The following ST3GAL1 variants were observed in gnomAD, a reference collection of about 807,000 sequenced individuals.
ST3GAL1 encodes the protein CMP-N-acetylneuraminate-beta-galactosamide-alpha-2,3-sialyltransferase 1.
Under a neutral mutation model 34.1 loss-of-function variants are expected in ST3GAL1, and 16 were observed. The ratio of observed to expected loss-of-function variants is 0.47; its 90% CI spans 0.32 to 0.71. ST3GAL1 has a LOEUF of 0.71. Ranked by LOEUF, ST3GAL1 falls within the 30% of genes least tolerant of loss-of-function variation. The probability of loss-of-function intolerance (pLI) is 0.04; values close to 1 mark genes in which losing one functional copy is unlikely to be tolerated. For missense variants in ST3GAL1, 353 were observed against 447.4 expected (o/e 0.79, Z 1.90); for synonymous variants, 191 against 184.7 (o/e 1.03, Z -0.28).
intron 3 of ST3GAL1, among the ~76,000 whole-genome samples, chr8:133,495,208 G>A (rs568106087): frequency 3.9e-5 from 6 of 152,142 alleles, no homozygotes; most frequent in Admixed American, 6.5e-5. Flanking sequence ...ATGAGCCACC[G>A]TGCCCAGCCT....
intron 2 of ST3GAL1, among the ~76,000 whole-genome samples, chr8:133,540,854 G>C (rs868474100): frequency 2.6e-5 from 3 of 117,186 alleles, no homozygotes; most frequent in African/African-American, 1.0e-4. Context: ...TATATATAGA[G>C]ACATATATAT....
At chr8:133,569,542 G>A (rs771561047) in intron 1 of ST3GAL1, among the ~76,000 whole-genome samples, 1 of 152,218 alleles carries the variant, frequency 6.6e-6, no homozygotes, top group Non-Finnish European at 1.5e-5. Context: ...GAGAGACAGA[G>A]ACAGAGAGAC....
chr8:133,513,570 A>G (rs1817556725), intron 2 of ST3GAL1, among the ~76,000 whole-genome samples: 1 of 152,182 alleles, frequency 6.6e-6, no homozygotes, highest in Non-Finnish European at 1.5e-5. Flanking sequence ...CGGCTCTCAA[A>G]GCCTAAAATA....
intron 3 of ST3GAL1, among the ~76,000 whole-genome samples, chr8:133,477,505 C>T (rs1816222565): frequency 6.6e-6 from 1 of 151,966 alleles, no homozygotes; most frequent in African/African-American, 2.4e-5. Context: ...AATCCACAGT[C>T]CTCTGATTCC....
chr8:133,557,007 C>T lies in ST3GAL1; in HGVS notation c.-581-11081G>A, dbSNP rs1369307607. Among the ~76,000 whole-genome samples the T allele has an allele frequency of 5.3e-5, 8 of 152,080 alleles. No individual in the cohort carries two copies. In the South Asian group the frequency reaches 1.0e-3, roughly 20 times the overall value. On this transcript the variant is annotated intron_variant, in intron 1 of 9. Coordinates refer to ENST00000522652, the MANE Select transcript of ST3GAL1 (RefSeq NM_173344.3). The stretch of plus-strand genomic sequence containing the variant: ...ATGGTGGAAAGGGGTATGTGACAAC[C>T]CCCCAACCTGACCCTCCCAACCTGG...
chr8:133,526,405 G>A (rs1435813205), intron 2 of ST3GAL1, among the ~76,000 whole-genome samples: 1 of 151,964 alleles, frequency 6.6e-6, no homozygotes, highest in Non-Finnish European at 1.5e-5. Flanking sequence ...AACCACCCAG[G>A]GCCACAAAAT....
At chr8:133,547,324 G>C (rs1209794686) in intron 1 of ST3GAL1, among the ~76,000 whole-genome samples, 1 of 152,062 alleles carries the variant, frequency 6.6e-6, no homozygotes, top group Non-Finnish European at 1.5e-5. Flanking sequence ...GGCTGGAGGG[G>C]CCGTGGCATG....
chr8:133,466,238 A>G lies in ST3GAL1; in HGVS notation c.307-148T>C. The G allele has an allele frequency of 1.4e-6, 1 of 709,054 alleles. No homozygotes were observed. Among genetic ancestry groups the G allele is most frequent in the South Asian group, 1.9e-5 (1 of 52,454 alleles). 43.9% of individuals were successfully genotyped at this position (709,054 alleles called of 1,614,324 possible). A position where few individuals can be genotyped will look rare whatever the true frequency, so the allele number is the denominator to read the frequency against. ...GCCCCCGGAGATGGAGGCGGCTCAC[A>G]CACAGACACCTCCACTTCCTCCTTC... On this transcript the variant is annotated intron_variant, in intron 5 of 9. Transcript: ENST00000522652. The surrounding 1 kb of genome is among the most constrained non-coding windows in gnomAD (Gnocchi z 4.4).
At chr8:133,520,761 T>C (rs1260744176) in intron 2 of ST3GAL1, among the ~76,000 whole-genome samples, 2 of 143,878 alleles carry the variant, frequency 1.4e-5, no homozygotes, top group African/African-American at 5.2e-5. Flanking sequence ...TTTATCATGT[T>C]ATTTTTTGTG....
chr8:133,541,226 A>C (rs1400719840), intron 2 of ST3GAL1, among the ~76,000 whole-genome samples: 1 of 150,190 alleles, frequency 6.7e-6, no homozygotes, highest in Non-Finnish European at 1.5e-5. Flanking sequence ...GGCACAGAAG[A>C]AGCTCAGAAA....
intron 2 of ST3GAL1, among the ~76,000 whole-genome samples, chr8:133,500,570 C>T (rs1045751851): frequency 6.6e-6 from 1 of 152,162 alleles, no homozygotes; most frequent in Non-Finnish European, 1.5e-5. Flanking sequence ...TGAAGCGAGA[C>T]AGCCTGGGTC....
chr8:133,557,718 C>G (rs1259495891), intron 1 of ST3GAL1, among the ~76,000 whole-genome samples: 4 of 152,010 alleles, frequency 2.6e-5, no homozygotes, highest in Non-Finnish European at 5.9e-5. Context: ...CGTGGTGGCG[C>G]GTGCCTGTAA....
At chr8:133,479,639 C>T (rs1386496751) in intron 3 of ST3GAL1, among the ~76,000 whole-genome samples, 1 of 152,100 alleles carries the variant, frequency 6.6e-6, no homozygotes, top group African/African-American at 2.4e-5. Flanking sequence ...AATGTCCTGC[C>T]TCTGCGTGAG....
chr8:133,519,112 G>A (rs1424521990), intron 2 of ST3GAL1, among the ~76,000 whole-genome samples: 1 of 152,016 alleles, frequency 6.6e-6, no homozygotes, highest in Non-Finnish European at 1.5e-5. Context: ...GGCCTGGTGA[G>A]GGCAGGCAGG....
intron 6 of ST3GAL1, 124 bp downstream of exon 6, chr8:133,465,770 C>T (rs1299976376): frequency 1.1e-5 from 11 of 1,047,112 alleles, no homozygotes; most frequent in African/African-American, 3.2e-5. Context: ...AGCCTGGGGT[C>T]CCTGGGTAAG....
In ST3GAL1 at chr8:133,476,331, T is replaced by G; in HGVS notation, c.-104A>C. On this transcript the variant is annotated 5_prime_UTR_variant, in exon 4 of 10. Transcript: ENST00000522652. ...TCTGCAATCCTTAAAGAGCTGATAA[T>G]GTCTCTCGATCAAGCTTTAACCAGT... 1 of 257,254 alleles carries G rather than the reference T, an allele frequency of 3.9e-6. No homozygotes were observed. The highest frequency in any genetic ancestry group is 7.5e-6 in the Non-Finnish European group (1 of 133,902). 15.9% of individuals were successfully genotyped at this position (257,254 alleles called of 1,614,324 possible).
chr8:133,478,419 A>C (rs540817349), intron 3 of ST3GAL1, among the ~76,000 whole-genome samples: 1 of 152,332 alleles, frequency 6.6e-6, no homozygotes, highest in African/African-American at 2.4e-5. Context: ...TAGCGTGTGT[A>C]GAAGAGACTA....
chr8:133,537,848 C>T (rs1465992964), intron 2 of ST3GAL1, among the ~76,000 whole-genome samples: 12 of 152,218 alleles, frequency 7.9e-5, no homozygotes, highest in Non-Finnish European at 1.2e-4. Context: ...AGGGAGGGCA[C>T]TTCCTGTTGC....
At chr8:133,516,515 C>T (rs1310638988) in intron 2 of ST3GAL1, among the ~76,000 whole-genome samples, 1 of 152,230 alleles carries the variant, frequency 6.6e-6, no homozygotes, top group Non-Finnish European at 1.5e-5. Context: ...GGCCTTTGCA[C>T]TTGCTGAATT....
Sources: gnomAD v4.1 joint callset for allele counts (sites outside exome capture counted in the v4.1 genomes callset) on GRCh38, gnomAD v4.1.1 for gene constraint, Gnocchi (gnomAD v3.1) non-coding constraint, MANE v1.5 for transcripts, NCBI Gene and HGNC (gene_info 2026-07-23, HGNC 2026-07-21) for gene names.